EYA4: variants seen among roughly 807,000 people sequenced by gnomAD.
The protein encoded by EYA4 is protein phosphatase EYA4.
Under a neutral mutation model 87.9 loss-of-function variants are expected in EYA4, and 31 were observed. The observed-to-expected ratio is 0.35, with a 90% confidence interval of 0.27 to 0.48. EYA4 has a LOEUF of 0.48. Among genes scored for constraint, EYA4 ranks in the 20% least tolerant of loss-of-function variants. EYA4 has a pLI of 0.99. For missense variants in EYA4, 678 were observed against 761.4 expected (o/e 0.89, Z 1.29); for synonymous variants, 263 against 270.6 (o/e 0.97, Z 0.28).
At chr6:133,397,860 C>T (rs1015219571) in intron 3 of EYA4, among the ~76,000 whole-genome samples, 1 of 152,166 alleles carries the variant, frequency 6.6e-6, no homozygotes, top group Non-Finnish European at 1.5e-5. Context: ...GACTTATTCA[C>T]TATCACAAGA....
intron 3 of EYA4, among the ~76,000 whole-genome samples, chr6:133,425,923 C>T (rs1172496256): frequency 2.0e-5 from 3 of 150,840 alleles, no homozygotes; most frequent in Non-Finnish European, 4.4e-5. Flanking sequence ...GCTTTTCACG[C>T]TTTCTCCCTG....
chr6:133,491,951 CAAAAAAAAAA>C (rs34316449), intron 13 of EYA4, among the ~76,000 whole-genome samples: 1 of 83,740 alleles, frequency 1.2e-5, no homozygotes, highest in Non-Finnish European at 2.3e-5. Flanking sequence ...AACTCCGTCT[CAAAAAAAAAA>C]AAAAAAAAAA....
At chr6:133,510,952 C>A (rs1799086966) in intron 14 of EYA4, among the ~76,000 whole-genome samples, 1 of 152,144 alleles carries the variant, frequency 6.6e-6, no homozygotes, top group African/African-American at 2.4e-5. Context: ...CCTGGTGAAC[C>A]AAATGCCGCA....
intron 11 of EYA4, among the ~76,000 whole-genome samples, chr6:133,476,467 C>T (rs1795743494): frequency 6.6e-6 from 1 of 152,068 alleles, no homozygotes; most frequent in Non-Finnish European, 1.5e-5. Flanking sequence ...ACGAGTTCAA[C>T]TTTTTTGCAC....
intron 3 of EYA4, among the ~76,000 whole-genome samples, chr6:133,425,824 C>T (rs1455524392): frequency 6.6e-6 from 1 of 150,694 alleles, no homozygotes; most frequent in Non-Finnish European, 1.5e-5. Context: ...TTTGACCATG[C>T]TGCTTTGTTG....
At position 133,530,490 on chromosome 6, in the gene EYA4, A is replaced by C. The variant is rs1800947104; in HGVS notation, c.*1685A>C. 2 of 985,822 alleles carry C rather than the reference A, an allele frequency of 2.0e-6. No individual in the cohort carries two copies. The highest frequency in any genetic ancestry group is 2.4e-6 in the Non-Finnish European group (2 of 829,902). 61.1% of individuals were successfully genotyped at this position (985,822 alleles called of 1,614,324 possible). ...TGCAGTTCTGTGTTTAAAATGTCAT[A>C]ATGTGGATCCTGGAGTCAGGCTACT... On this transcript the variant is annotated 3_prime_UTR_variant, in exon 20 of 20. Coordinates refer to ENST00000355286, the MANE Select transcript of EYA4 (RefSeq NM_004100.5).
At position 133,462,447 on chromosome 6, in the gene EYA4, A is replaced by T; in HGVS notation, c.550A>T (p.Thr184Ser). The part of the protein sequence containing the change: ...QPAVYTAYSQ[T>S]GQPYSLPTYD... ...AGCCGTCTACACAGCCTACTCACAG[A>T]CAGGACAGCCCTACAGCTTGCCCAC... The change falls in exon 8 of 20, where the codon ACA becomes TCA. Residue 184 changes from threonine (T) to serine (S), a missense_variant. By Grantham distance (58) the Thr-to-Ser change is moderately conservative. Transcript: ENST00000355286. The T allele has an allele frequency of 1.2e-6, 2 of 1,614,086 alleles. No homozygotes were observed. Among genetic ancestry groups the T allele is most frequent in the Non-Finnish European group, 1.7e-6 (2 of 1,179,966 alleles).
At chr6:133,386,653 A>G (rs1398150941) in intron 3 of EYA4, among the ~76,000 whole-genome samples, 2 of 152,352 alleles carry the variant, frequency 1.3e-5, no homozygotes, top group East Asian at 3.9e-4. Context: ...CGTTTTGTTA[A>G]CTAGAGAGTG....
chr6:133,325,144 T>C (rs1171459809), intron 2 of EYA4: 1 of 152,508 alleles, frequency 6.6e-6, no homozygotes, highest in East Asian at 1.9e-4. Flanking sequence ...TCTCCTGACC[T>C]TGTGATCCGC....
intron 13 of EYA4, among the ~76,000 whole-genome samples, chr6:133,499,214 A>G (rs1165446323): frequency 6.6e-6 from 1 of 151,840 alleles, no homozygotes; most frequent in African/African-American, 2.4e-5. Flanking sequence ...ACCATCATCA[A>G]CCCTCTCCTA....
chr6:133,249,819 A>G (rs1366899885), intron 1 of EYA4, among the ~76,000 whole-genome samples: 1 of 152,180 alleles, frequency 6.6e-6, no homozygotes, highest in Non-Finnish European at 1.5e-5. Context: ...TTACTCCCAA[A>G]GCATCCAGCT....
chr6:133,443,036 A>G (rs1488302426), intron 3 of EYA4, among the ~76,000 whole-genome samples: 1 of 151,776 alleles, frequency 6.6e-6, no homozygotes, highest in Non-Finnish European at 1.5e-5. Context: ...TTTGTTAAAT[A>G]TTTTCTCATC....
At chr6:133,484,357 A>AT (rs1360265088) in intron 13 of EYA4, among the ~76,000 whole-genome samples, 23 of 152,326 alleles carry the variant, frequency 1.5e-4, no homozygotes, top group African/African-American at 4.6e-4. Flanking sequence ...ATTAAGCTAT[A>AT]TTAAGCTTTG....
chr6:133,400,651 C>T (rs1788184218), intron 3 of EYA4, among the ~76,000 whole-genome samples: 2 of 151,880 alleles, frequency 1.3e-5, no homozygotes, highest in African/African-American at 2.4e-5. Context: ...TGAAGGGTAT[C>T]CCAGTCAATT....
At chr6:133,317,897 C>A (rs982246257) in intron 2 of EYA4, among the ~76,000 whole-genome samples, 1 of 151,852 alleles carries the variant, frequency 6.6e-6, no homozygotes, top group South Asian at 2.1e-4. Flanking sequence ...CTCCATCCCC[C>A]GGTGCCCCAT....
At chr6:133,253,886 G>T (rs951714702) in intron 1 of EYA4, among the ~76,000 whole-genome samples, 1 of 151,974 alleles carries the variant, frequency 6.6e-6, no homozygotes, top group Non-Finnish European at 1.5e-5. Context: ...TTTTCCCTCC[G>T]TAACCTCAAC....
rs182402861 is a variant in EYA4, at chr6:133,316,929, C to A, written c.33+42116C>A. On this transcript the variant is annotated intron_variant, in intron 2 of 19. Coordinates refer to ENST00000355286, the MANE Select transcript of EYA4 (RefSeq NM_004100.5). ...TTTCTTCCTTTGGCCTGCATAGAAG[C>A]CTAGCTTAGCATAGAAGCCTTCCTT... Among the ~76,000 whole-genome samples, 331 of 152,288 alleles carry A rather than the reference C, an allele frequency of 2.2e-3. 7 individuals carry two copies. The highest frequency in any genetic ancestry group is 0.019 in the Admixed American group (293 of 15,284).
At chr6:133,327,596 G>A (rs976849334) in intron 2 of EYA4, among the ~76,000 whole-genome samples, 23 of 152,062 alleles carry the variant, frequency 1.5e-4, no homozygotes, top group African/African-American at 3.6e-4. Flanking sequence ...GTTTTTCCCC[G>A]AGTAACAAAG....
chr6:133,505,886 A>G (rs140185432), intron 13 of EYA4, among the ~76,000 whole-genome samples: 1 of 152,214 alleles, frequency 6.6e-6, no homozygotes, highest in East Asian at 1.9e-4. Flanking sequence ...ATGCTGAGTC[A>G]TCGTTACGTA....
Sources: gnomAD v4.1 joint callset for allele counts (sites outside exome capture counted in the v4.1 genomes callset) on GRCh38, gnomAD v4.1.1 for gene constraint, MANE v1.5 for transcripts, NCBI Gene and HGNC (gene_info 2026-07-23, HGNC 2026-07-21) for gene names.